The following LTBP1 variants were observed in gnomAD, a reference collection of about 807,000 sequenced individuals.
LTBP1 encodes the protein latent-transforming growth factor beta-binding protein 1.
LTBP1 carries 129 observed loss-of-function variants against 207.6 expected under a neutral mutation model. The observed-to-expected ratio is 0.62, with a 90% CI of 0.54 to 0.72. The LOEUF (loss-of-function observed/expected upper bound fraction) is 0.72, where lower values mean the gene tolerates loss of function less well. LTBP1 is among the 30% of genes least tolerant of loss of function. The pLI is 0.00. For synonymous variants in LTBP1, 963 were observed against 833.7 expected, an observed-to-expected ratio of 1.16 and a Z score of -2.67; for missense variants, 2,281 against 2,217.2, an observed-to-expected ratio of 1.03 and a Z score of -0.58.
chr2:33,287,188 A>G (rs2093683277), intron 19 of LTBP1, among the ~76,000 whole-genome samples: 1 of 152,208 alleles, frequency 6.6e-6, no homozygotes, highest in African/African-American at 2.4e-5. Context: ...TTCTCATTGT[A>G]TAGTTTATGA....
intron 5 of LTBP1, among the ~76,000 whole-genome samples, chr2:33,153,025 A>G (rs1466734743): frequency 1.3e-5 from 2 of 152,210 alleles, no homozygotes; most frequent in African/African-American, 4.8e-5. Flanking sequence ...AAATTCTATC[A>G]TTTTGTTGAA....
In LTBP1 at chr2:33,307,317, C is replaced by T. The variant is rs369855844; in HGVS notation, c.3482-2117C>T. On this transcript the variant is annotated intron_variant, in intron 22 of 33. Transcript: ENST00000404816. ...AAAAAGGTAAAATCATATGTTCACA[C>T]AAAGACTTATGATTTTAGAAATATT... Among the ~76,000 whole-genome samples, 7 of 152,250 alleles carry T rather than the reference C, an allele frequency of 4.6e-5. No homozygotes were observed. The East Asian group carries it at 5.8e-4, about 13-fold the overall frequency.
intron 31 of LTBP1, among the ~76,000 whole-genome samples, chr2:33,369,293 T>C (rs1180351595): frequency 5.3e-5 from 8 of 152,218 alleles, no homozygotes; most frequent in Non-Finnish European, 1.2e-4. Flanking sequence ...CTAGTGTACA[T>C]GGTCAGCCAA....
chr2:33,167,930 G>C (rs1429826478), intron 5 of LTBP1, among the ~76,000 whole-genome samples: 1 of 152,144 alleles, frequency 6.6e-6, no homozygotes, highest in African/African-American at 2.4e-5. Context: ...TGATGGGTGT[G>C]GTTTTCAGTT....
intron 23 of LTBP1, 37 bp from the exon 24 acceptor site, chr2:33,315,107 T>C (rs1427009210): frequency 6.4e-7 from 1 of 1,572,764 alleles, no homozygotes; most frequent in Admixed American, 2.1e-5. Context: ...TGAAACCGAT[T>C]TTTTTCAAGT....
chr2:33,060,657 G>GTC (rs2077224294), intron 3 of LTBP1, among the ~76,000 whole-genome samples: 1 of 151,166 alleles, frequency 6.6e-6, no homozygotes, highest in African/African-American at 2.4e-5. Context: ...AGATCTGTGT[G>GTC]TGTGTGTGTG....
At chr2:33,256,242 A>T (rs2092847121) in intron 11 of LTBP1, among the ~76,000 whole-genome samples, 1 of 151,776 alleles carries the variant, frequency 6.6e-6, no homozygotes. Flanking sequence ...CTGCATCTTG[A>T]TTTGGCATTT....
intron 2 of LTBP1, among the ~76,000 whole-genome samples, chr2:32,983,762 G>T (rs1033454212): frequency 6.6e-6 from 1 of 152,208 alleles, no homozygotes; most frequent in East Asian, 1.9e-4. Context: ...CTCCTCCTTT[G>T]CCCTCTGCCA....
At chr2:32,995,591 C>T (rs1420751935) in intron 2 of LTBP1, among the ~76,000 whole-genome samples, 2 of 152,110 alleles carry the variant, frequency 1.3e-5, no homozygotes, top group East Asian at 1.9e-4. Context: ...ACCATCCTAG[C>T]TAACATGGTG....
In LTBP1 at chr2:33,358,680, T is replaced by A. The variant is rs1430784708; in HGVS notation, c.4001-1917T>A. ...ACCAAAACCCTGTTGCTTTTTTGATTTGTATTTCTCACTATTATTTATTAA... is the reference window on the plus strand; with the variant it reads ...ACCAAAACCCTGTTGCTTTTTTGATATGTATTTCTCACTATTATTTATTAA... On this transcript the variant is annotated intron_variant, in intron 26 of 33. Coordinates refer to ENST00000404816, the MANE Select transcript of LTBP1 (RefSeq NM_206943.4). Among the ~76,000 whole-genome samples, 3 of 152,170 alleles carry A rather than the reference T, an allele frequency of 2.0e-5. No individual in the cohort carries two copies. The East Asian group carries it at 5.8e-4, about 29-fold the overall frequency.
At position 32,969,226 on chromosome 2, in the gene LTBP1, AATTTGTGT is replaced by A. The variant is rs1204166149; in HGVS notation, c.565+20282_565+20289del. On this transcript the variant is annotated intron_variant, in intron 2 of 33. Transcript: ENST00000404816. ...CAGGTGTGAGCCATGGCACCTGGCC[AATTTGTGT>A]GTGTGTGTGTGTGTGTGTGTGTGTG... 4.2e-3 allele frequency among the ~76,000 whole-genome samples: 364 copies of A among 86,326 alleles called. 3 individuals are homozygous for A. Among genetic ancestry groups the A allele is most frequent in the African/African-American group, 0.016 (334 of 21,164 alleles). 56.6% of individuals were successfully genotyped at this position (86,326 alleles called of 152,430 possible). A position where few individuals can be genotyped will look rare whatever the true frequency, so the allele number is the denominator to read the frequency against.
chr2:33,185,142 G>A (rs2087058796), intron 5 of LTBP1, among the ~76,000 whole-genome samples: 1 of 152,200 alleles, frequency 6.6e-6, no homozygotes, highest in African/African-American at 2.4e-5. Flanking sequence ...GCACACTGAG[G>A]AACTGAATTA....
At position 33,157,659 on chromosome 2, in the gene LTBP1, G is replaced by C. The variant is rs1572899593; in HGVS notation, c.1201+22699G>C. Among the ~76,000 whole-genome samples, 3 of 152,272 alleles carry C rather than the reference G, an allele frequency of 2.0e-5. No homozygotes were observed. In the South Asian group the frequency reaches 6.2e-4, roughly 32 times the overall value. On this transcript the variant is annotated intron_variant, in intron 5 of 33. Transcript: ENST00000404816. ...TTATATCCAGAACATTTTAAAATTG[G>C]CCATCTATAGGATGATGGTGCTGTA...
chr2:33,015,843 A>C (rs1688300629), intron 2 of LTBP1, among the ~76,000 whole-genome samples: 1 of 152,158 alleles, frequency 6.6e-6, no homozygotes, highest in Admixed American at 6.5e-5. Context: ...CCAGAGGAGG[A>C]GGAAGAGAGA....
At chr2:33,200,596 C>G (rs1259667478) in intron 7 of LTBP1, among the ~76,000 whole-genome samples, 1 of 152,182 alleles carries the variant, frequency 6.6e-6, no homozygotes, top group Non-Finnish European at 1.5e-5. Flanking sequence ...ACACCAAAAG[C>G]AATGGCAACA....
chr2:33,314,691 A>T (rs1325270303), intron 23 of LTBP1, among the ~76,000 whole-genome samples: 1 of 152,240 alleles, frequency 6.6e-6, no homozygotes, highest in Non-Finnish European at 1.5e-5. Context: ...TATAAATAAG[A>T]CATGTCTAGC....
chr2:32,964,054 G>C (rs1360991967), intron 2 of LTBP1, among the ~76,000 whole-genome samples: 1 of 152,212 alleles, frequency 6.6e-6, no homozygotes, highest in Non-Finnish European at 1.5e-5. Flanking sequence ...CATACTCTTG[G>C]AATTGGCAGG....
intron 8 of LTBP1, among the ~76,000 whole-genome samples, chr2:33,218,623 C>G (rs1379790347): frequency 6.6e-6 from 1 of 152,178 alleles, no homozygotes; most frequent in East Asian, 1.9e-4. Context: ...TCTCCAACTC[C>G]TAACCTCAGG....
At chr2:33,150,867 C>G (rs2083470197) in intron 5 of LTBP1, among the ~76,000 whole-genome samples, 1 of 151,282 alleles carries the variant, frequency 6.6e-6, no homozygotes, top group Non-Finnish European at 1.5e-5. Context: ...TCCCAAGTAG[C>G]TGGGATTACA....
Sources: gnomAD v4.1 joint callset for allele counts (sites outside exome capture counted in the v4.1 genomes callset) on GRCh38, gnomAD v4.1.1 for gene constraint, MANE v1.5 for transcripts, NCBI Gene and HGNC (gene_info 2026-07-23, HGNC 2026-07-21) for gene names.